Variants in ACACA observed in about 807,000 individuals in gnomAD.
The protein encoded by ACACA is acetyl-CoA carboxylase 1.
A neutral mutation model predicts 296.1 loss-of-function variants in ACACA; 103 were observed. The ratio of observed to expected loss-of-function variants is 0.35; its 90% CI spans 0.30 to 0.41. The LOEUF (loss-of-function observed/expected upper bound fraction) is 0.41. Among genes scored for constraint, ACACA ranks in the 10% least tolerant of loss-of-function variants. The pLI is 1.00. For missense variants in ACACA, 1,554 were observed against 2,989.7 expected (o/e 0.52, Z 11.20); for synonymous variants, 953 against 1,038.6 (o/e 0.92, Z 1.58).
intron 39 of ACACA, among the ~76,000 whole-genome samples, chr17:37,182,568 C>T (rs995752352): frequency 6.6e-6 from 1 of 152,060 alleles, no homozygotes; most frequent in African/African-American, 2.4e-5. Context: ...TATTTCAATT[C>T]AATTAATATT....
At chr17:37,165,819 G>C (rs368762679) in intron 41 of ACACA, among the ~76,000 whole-genome samples, 14 of 151,982 alleles carry the variant, frequency 9.2e-5, no homozygotes, top group African/African-American at 3.1e-4. Context: ...GGGACTACAG[G>C]CATGTGCCAC....
At chr17:37,107,439 C>A (rs2073751787) in intron 52 of ACACA, among the ~76,000 whole-genome samples, 1 of 152,214 alleles carries the variant, frequency 6.6e-6, no homozygotes, top group South Asian at 2.1e-4. Context: ...GGGAGGAAGG[C>A]ATTCCTGAAG....
chr17:37,162,074 T>A, intron 41 of ACACA, 24 bp from the exon 42 acceptor site: 1 of 1,613,982 alleles, frequency 6.2e-7, no homozygotes, highest in Non-Finnish European at 8.5e-7. Context: ...AACAAACAAA[T>A]GAACAGAAGT....
intron 41 of ACACA, among the ~76,000 whole-genome samples, chr17:37,172,414 T>C (rs753854793): frequency 6.6e-6 from 1 of 152,136 alleles, no homozygotes; most frequent in Non-Finnish European, 1.5e-5. Context: ...AAAAGAACAG[T>C]GTCAGAAATT....
rs550929056 is a variant in ACACA, at chr17:37,132,784, C to T, written c.5680-2566G>A. Among the ~76,000 whole-genome samples the T allele has an allele frequency of 5.8e-4, 88 of 152,280 alleles. 2 individuals carry two copies. The South Asian group carries it at 0.017, about 30-fold the overall frequency. On this transcript the variant is annotated intron_variant, in intron 45 of 55. Transcript: ENST00000616317. ...AAGAACTACACTCAGAAAAAGGGAC[C>T]GCTCAGCTGTTTAAACATACTTTCT...
chr17:37,358,709 C>T (rs2049261426), intron 1 of ACACA, among the ~76,000 whole-genome samples: 1 of 152,114 alleles, frequency 6.6e-6, no homozygotes, highest in Admixed American at 6.5e-5. Flanking sequence ...GGCAGAAACT[C>T]CAGCCCCCCT....
At chr17:37,382,546 G>A (rs933970766) in intron 1 of ACACA, among the ~76,000 whole-genome samples, 1 of 151,978 alleles carries the variant, frequency 6.6e-6, no homozygotes, top group Non-Finnish European at 1.5e-5. Flanking sequence ...TAGGCTCTCA[G>A]GATGTTACAG....
chr17:37,105,583 C>T (rs1351752319), intron 52 of ACACA, among the ~76,000 whole-genome samples: 1 of 152,000 alleles, frequency 6.6e-6, no homozygotes, highest in African/African-American at 2.4e-5. Flanking sequence ...AAGCAATTTG[C>T]GCCAGGCACG....
chr17:37,161,680 G>A, intron 42 of ACACA, 101 bp downstream of exon 42: 1 of 1,380,088 alleles, frequency 7.2e-7, no homozygotes, highest in Non-Finnish European at 1.0e-6. Flanking sequence ...TTTACCATAA[G>A]TGGTGATTTT....
At chr17:37,316,143 T>C (rs947393016) in intron 3 of ACACA, among the ~76,000 whole-genome samples, 1 of 152,150 alleles carries the variant, frequency 6.6e-6, no homozygotes, top group African/African-American at 2.4e-5. Flanking sequence ...GAAAGACCCT[T>C]AATGACCTGA....
At chr17:37,347,676 G>A (rs1270066185) in intron 1 of ACACA, among the ~76,000 whole-genome samples, 1 of 150,816 alleles carries the variant, frequency 6.6e-6, no homozygotes, top group Non-Finnish European at 1.5e-5. Context: ...GCTGAGGCAG[G>A]AGGGTCGCTT....
chr17:37,210,167 AAAG>A (rs2078682645), intron 30 of ACACA, among the ~76,000 whole-genome samples: 1 of 152,192 alleles, frequency 6.6e-6, no homozygotes, highest in Non-Finnish European at 1.5e-5. Flanking sequence ...GAACTTAGCA[AAAG>A]AAGATGTTGC....
chr17:37,182,598 G>A lies in ACACA; in HGVS notation c.4777-1242C>T, dbSNP rs531303868. On this transcript the variant is annotated intron_variant, in intron 39 of 55. Coordinates refer to ENST00000616317, the MANE Select transcript of ACACA (RefSeq NM_198834.3). ...AATATTTATTGAGTGCCCAGAGGTT[G>A]TATAACACTAAACTAGGCACTTCAT... is the stretch of plus-strand genomic sequence containing the variant. Among the ~76,000 whole-genome samples the A allele has an allele frequency of 3.3e-5, 5 of 152,278 alleles. No individual in the cohort carries two copies. The East Asian group carries it at 7.7e-4, about 23-fold the overall frequency.
chr17:37,276,571 T>C (rs2082293290), intron 7 of ACACA, among the ~76,000 whole-genome samples: 1 of 152,230 alleles, frequency 6.6e-6, no homozygotes, highest in South Asian at 2.1e-4. Flanking sequence ...CTCTCTGGTA[T>C]AATGACAGCA....
chr17:37,376,278 A>G (rs897516933), intron 1 of ACACA: 2 of 731,086 alleles, frequency 2.7e-6, no homozygotes, highest in African/African-American at 3.5e-5. Flanking sequence ...AGTTAATCCC[A>G]TGTATCCACT....
chr17:37,390,330 A>ATATATATATCTATATCTATATATC (rs1386032855), intron 1 of ACACA, among the ~76,000 whole-genome samples: 4 of 41,584 alleles, frequency 9.6e-5, no homozygotes, highest in African/African-American at 5.1e-4. Flanking sequence ...ATATATATAT[A>ATATATATATCTATATCTATATATC]TATAAAAGGC....
intron 1 of ACACA, chr17:37,376,004 G>C (rs1203963944): frequency 1.8e-6 from 2 of 1,127,664 alleles, no homozygotes; most frequent in South Asian, 1.3e-5. Flanking sequence ...TTCCAGCTGC[G>C]TGTGGTGAAA....
At chr17:37,293,864 T>C (rs934116288) in intron 3 of ACACA, among the ~76,000 whole-genome samples, 8 of 152,282 alleles carry the variant, frequency 5.3e-5, no homozygotes, top group African/African-American at 1.9e-4. Context: ...CACAAAAAGA[T>C]TACCTAAAAC....
intron 1 of ACACA, among the ~76,000 whole-genome samples, chr17:37,403,942 G>T (rs1250601779): frequency 2.0e-5 from 3 of 151,968 alleles, no homozygotes; most frequent in Non-Finnish European, 2.9e-5. Context: ...CCAGCTAATT[G>T]TTGCATTTTT....
Sources: allele counts gnomAD v4.1 joint callset (sites outside exome capture counted in the v4.1 genomes callset), GRCh38; gene constraint gnomAD v4.1.1; transcripts MANE v1.5; gene names NCBI Gene and HGNC (gene_info 2026-07-23, HGNC 2026-07-21).